KRT71: variants seen among roughly 807,000 people sequenced by gnomAD.
KRT71 encodes keratin, type II cytoskeletal 71.
In KRT71, 42 loss-of-function variants were observed where a neutral mutation model predicts 46.2. The observed-to-expected ratio is 0.91, with a 90% confidence interval of 0.71 to 1.18. KRT71 has a LOEUF of 1.18. KRT71 is among the 50% of genes most tolerant of loss of function. The probability of loss-of-function intolerance (pLI) is 0.00; values close to 1 mark genes in which losing one functional copy is unlikely to be tolerated. For missense variants in KRT71, 708 were observed against 677.9 expected, an observed-to-expected ratio of 1.04 and a Z score of -0.49; for synonymous variants, 292 against 277.8, an observed-to-expected ratio of 1.05 and a Z score of -0.51.
At chr12:52,547,574 C>T (rs1209074017) in intron 6 of KRT71, among the ~76,000 whole-genome samples, 1 of 152,144 alleles carries the variant, frequency 6.6e-6, no homozygotes, top group Non-Finnish European at 1.5e-5. Flanking sequence ...GTGACAAATA[C>T]AGGGAAGCAC....
intron 5 of KRT71, 40 bp downstream of exon 5, chr12:52,548,112 C>T: frequency 1.2e-6 from 2 of 1,606,686 alleles, no homozygotes; most frequent in Non-Finnish European, 1.7e-6. Flanking sequence ...CTGCTGCCCG[C>T]TGGCATCACC....
At chr12:52,549,246 C>T (rs746384859) in intron 3 of KRT71, 47 bp downstream of exon 3, 10 of 1,468,132 alleles carry the variant, frequency 6.8e-6, no homozygotes, top group Non-Finnish European at 5.7e-6. Context: ...TCTGTTCCTC[C>T]AGGTCCCAGG....
chr12:52,552,328 C>T (rs1454681834), intron 1 of KRT71, among the ~76,000 whole-genome samples: 1 of 152,230 alleles, frequency 6.6e-6, no homozygotes, highest in East Asian at 1.9e-4. Context: ...CTCTCACAGG[C>T]CTTTTCTGCA....
Position 52,548,813 on chromosome 12 carries a change from C to T in KRT71, c.718-17G>A, listed in dbSNP as rs1449668158. On this transcript the variant is annotated splice_polypyrimidine_tract_variant and intron_variant, in intron 3 of 8. Coordinates refer to ENST00000267119, the MANE Select transcript of KRT71 (RefSeq NM_033448.3). ...ATCCACATCCTGAAAGATGCCCCCA[C>T]CATCCCCTGTCACTGCTGGTACAGC... 8.1e-6 allele frequency: 13 copies of T among 1,611,858 alleles called. No homozygotes were observed. The highest frequency in any genetic ancestry group is 1.1e-5 in the Non-Finnish European group (13 of 1,177,894).
chr12:52,548,306 TGA>T lies in KRT71; in HGVS notation c.822_823del (p.Gln275AspfsTer7). On this transcript the variant is annotated frameshift_variant, in exon 5 of 9. Coordinates refer to ENST00000267119, the MANE Select transcript of KRT71 (RefSeq NM_033448.3). LOFTEE classifies it high-confidence loss of function. ...CATGTCACTGATGTGGGACTGGATC[TGA>T]GTGATCTCCTGCAGGGGACACAGAA... is the stretch of plus-strand genomic sequence containing the variant. The T allele has an allele frequency of 6.2e-7, 1 of 1,611,522 alleles. No individual in the cohort carries two copies. The highest frequency in any genetic ancestry group is 8.5e-7 in the Non-Finnish European group (1 of 1,178,612).
chr12:52,545,259 C>T (rs1236268574), intron 8 of KRT71, among the ~76,000 whole-genome samples: 1 of 152,214 alleles, frequency 6.6e-6, no homozygotes, highest in Non-Finnish European at 1.5e-5. Context: ...AACCTGACTC[C>T]CTAAGCCTCA....
Position 52,546,362 on chromosome 12 carries a change from C to T in KRT71, c.1249G>A (p.Glu417Lys), listed in dbSNP as rs1385339738. 1.1e-5 allele frequency: 17 copies of T among 1,614,058 alleles called. No individual in the cohort carries two copies. The highest frequency in any genetic ancestry group is 1.3e-5 in the African/African-American group (1 of 74,934). The change falls in exon 7 of 9, where the codon GAG becomes AAG. Residue 417 changes from glutamate to lysine, a missense_variant. Physicochemically the swap from Glu to Lys is moderately conservative, Grantham distance 56. Coordinates refer to ENST00000267119, the MANE Select transcript of KRT71 (RefSeq NM_033448.3). ...ELARMLREYQ[E>K]LMSLKLALDM... ...AGGGCCAGCTTCAGGCTCATGAGCT[C>T]CTGGTACTCGCGCAGCATCCGCGCC...
rs201536940 is a variant in KRT71 at position 52,550,039 on chromosome 12, A to C, written c.646T>G (p.Tyr216Asp). The change falls in exon 2 of 9, where the codon TAC becomes GAC. Residue 216 changes from tyrosine (Y) to aspartate (D), a missense_variant. Tyr to Asp is a radical substitution (Grantham distance 160). Transcript: ENST00000267119. ...LRNVRDVVED[Y>D]KKRYEEEINK... ...ACTCCTCCTGCTCACCTCTTCTTGT[A>C]GTCCTCCACTACGTCCCGCACATTC... 1 of 1,614,078 alleles carries C rather than the reference A, an allele frequency of 6.2e-7. No individual in the cohort carries two copies. The highest frequency in any genetic ancestry group is 8.5e-7 in the Non-Finnish European group (1 of 1,179,962).
intron 2 of KRT71, 115 bp from the exon 3 acceptor site, chr12:52,549,468 G>C: frequency 1.2e-6 from 1 of 847,526 alleles, no homozygotes; most frequent in South Asian, 1.4e-5. Context: ...GCTGGGGGCC[G>C]CAGAGTACTG....
At chr12:52,548,033 T>A (rs752829749) in intron 5 of KRT71, 51 bp from the exon 6 acceptor site, 6 of 1,609,346 alleles carry the variant, frequency 3.7e-6, no homozygotes, top group East Asian at 4.5e-5. Flanking sequence ...AGTGCATGTA[T>A]CTTGGGATCA....
At chr12:52,545,664 A>G in intron 7 of KRT71, 65 bp from the exon 8 acceptor site, 1 of 1,016,214 alleles carries the variant, frequency 9.8e-7, no homozygotes. Flanking sequence ...CTTTAAAGCT[A>G]CTGCCACCAT....
chr12:52,550,530 T>C (rs1179028135), intron 1 of KRT71, among the ~76,000 whole-genome samples: 3 of 152,142 alleles, frequency 2.0e-5, no homozygotes, highest in Admixed American at 1.3e-4. Context: ...TTGCACCAAC[T>C]CAGGGCTTGG....
intron 6 of KRT71, 46 bp from the exon 7 acceptor site, chr12:52,546,552 C>A: frequency 6.4e-7 from 1 of 1,571,410 alleles, no homozygotes. Context: ...GGAGCCACTG[C>A]AACCATCCAC....
rs567497460 is a variant in KRT71, at chr12:52,546,848, G to A, written c.1105-342C>T. Among the ~76,000 whole-genome samples the A allele has an allele frequency of 1.3e-5, 2 of 152,226 alleles. 1 individual carries two copies. On this transcript the variant is annotated intron_variant, in intron 6 of 8. Coordinates refer to ENST00000267119, the MANE Select transcript of KRT71 (RefSeq NM_033448.3). Reference sequence around the variant, plus strand: ...GTTGTTTAGGTCTGGGAGGAGAGATGGTCGAATATGCTGTGGCAGACGCAA... The same window carrying A: ...GTTGTTTAGGTCTGGGAGGAGAGATAGTCGAATATGCTGTGGCAGACGCAA...
Position 52,552,729 on chromosome 12 carries a change from C to G in KRT71, c.349G>C (p.Val117Leu), listed in dbSNP as rs150480717. Residue 117 changes from valine (V) to leucine (L), a missense_variant, in exon 1 of 9, where the codon GTG (valine) becomes CTG (leucine). Coordinates refer to ENST00000267119, the MANE Select transcript of KRT71 (RefSeq NM_033448.3). The stretch of plus-strand genomic sequence containing the variant: ...TTCTGGATCTCGGGGTCCAGCTCCA[C>G]GTTGAGGGGGGCCAGGAGGCTCTCA... Reference protein sequence around the residue: ...VNESLLAPLNVELDPEIQKVR... With the variant: ...VNESLLAPLNLELDPEIQKVR... 2.6e-5 allele frequency: 42 copies of G among 1,613,974 alleles called. No individual in the cohort carries two copies. The highest frequency in any genetic ancestry group is 3.4e-5 in the Non-Finnish European group (40 of 1,179,960).
Position 52,546,502 on chromosome 12 carries a change from G to A in KRT71, c.1109C>T (p.Ser370Phe). 6.2e-7 allele frequency: 1 copy of A among 1,613,376 alleles called. No individual in the cohort carries two copies. Among genetic ancestry groups the A allele is most frequent in the Admixed American group, 1.7e-5 (1 of 59,958 alleles). The change falls in exon 7 of 9, where the codon TCC (serine) becomes TTC (phenylalanine). Residue 370 changes from serine (S) to phenylalanine (F), a missense_variant. Physicochemically the swap from Ser to Phe is radical, Grantham distance 155. Transcript: ENST00000267119. The stretch of plus-strand genomic sequence containing the variant: ...ATCAGCGATGGCTGTCTCCAGGTTG[G>A]AAGCCTAAGGAAGGAATTGGTGAAG... Reference protein sequence around the residue: ...SEIENVKKQASNLETAIADAE... With the variant: ...SEIENVKKQAFNLETAIADAE...
Position 52,544,427 on chromosome 12 carries a change from G to A in KRT71, c.*105C>T. On this transcript the variant is annotated 3_prime_UTR_variant, in exon 9 of 9. Coordinates refer to ENST00000267119, the MANE Select transcript of KRT71 (RefSeq NM_033448.3). ...CAAGGCCAGTGCCAGGTGTATGGGA[G>A]CAGGACCAGCAGGGTGGAGATGGAG... 9.5e-7 allele frequency: 1 copy of A among 1,055,388 alleles called. No homozygotes were observed. Among genetic ancestry groups the A allele is most frequent in the East Asian group, 2.4e-5 (1 of 42,112 alleles). The allele number at this position is 1,055,388 out of a possible 1,614,324, so 65.4% of individuals were successfully genotyped here.
rs781552402 is a variant in KRT71 at position 52,552,855 on chromosome 12, G to A, written c.223C>T (p.Arg75Trp). The A allele has an allele frequency of 1.8e-5, 29 of 1,614,088 alleles. No individual in the cohort carries two copies. Among genetic ancestry groups the A allele is most frequent in the East Asian group, 4.5e-5 (2 of 44,890 alleles). The change falls in exon 1 of 9, where the codon CGG becomes TGG. Residue 75 changes from arginine (R) to tryptophan (W), a missense_variant. By Grantham distance (101) the Arg-to-Trp change is moderately radical. Transcript: ENST00000267119. ...ATGCTTCCAGCAAAGCCACTGGCCC[G>A]GCCCCGGCCAAATCCATAGCCTCCA... ...KSGGYGFGRGRASGFAGSMFG... is the reference protein window; with the variant it reads ...KSGGYGFGRGWASGFAGSMFG...
chr12:52,550,560 C>A (rs546426033), intron 1 of KRT71, among the ~76,000 whole-genome samples: 48 of 152,322 alleles, frequency 3.2e-4, no homozygotes, highest in African/African-American at 1.1e-3. Flanking sequence ...AAAATACCAG[C>A]AGAGAAGCCA....
Sources: allele counts gnomAD v4.1 joint callset (sites outside exome capture counted in the v4.1 genomes callset), GRCh38; gene constraint gnomAD v4.1.1; transcripts MANE v1.5; gene names NCBI Gene and HGNC (gene_info 2026-07-23, HGNC 2026-07-21).